Variants in GAPVD1 observed in about 807,000 individuals in gnomAD.
GAPVD1 encodes the protein GTPase activating protein and VPS9 domains 1, also known as GTPase-activating protein and VPS9 domain-containing protein 1.
A neutral mutation model predicts 155.5 loss-of-function variants in GAPVD1; 35 were observed. That is an observed-to-expected ratio of 0.23 (90% confidence interval 0.17 to 0.30). The LOEUF is 0.30. GAPVD1 is among the 10% of genes least tolerant of loss of function. The pLI is 1.00. For synonymous variants in GAPVD1, 636 were observed against 619.7 expected (o/e 1.03, Z -0.39); for missense variants, 1,429 against 1,775.7 (o/e 0.80, Z 3.51).
rs1382636277 is a variant in GAPVD1 at position 125,284,210 on chromosome 9, G to T, written c.-149-11248G>T. Among the ~76,000 whole-genome samples, 7 of 125,346 alleles carry T rather than the reference G, an allele frequency of 5.6e-5. No individual in the cohort carries two copies. In the East Asian group the frequency reaches 1.7e-3, roughly 31 times the overall value. The allele number at this position is 125,346 out of a possible 152,430, so 82.2% of individuals were successfully genotyped here. ...TTTTTTTTTTTTTTTTTGAGATGGAGACTCACTCTTGACACCCAGGCCGAA... is the reference window on the plus strand; with the variant it reads ...TTTTTTTTTTTTTTTTTGAGATGGATACTCACTCTTGACACCCAGGCCGAA... On this transcript the variant is annotated intron_variant, in intron 2 of 27. Transcript: ENST00000297933.
Position 125,337,254 on chromosome 9 carries a change from A to G in GAPVD1, c.2540A>G (p.Tyr847Cys). Residue 847 changes from tyrosine (Y) to cysteine (C), a missense_variant, in exon 17 of 28, where the codon TAT (tyrosine) becomes TGT (cysteine). Transcript: ENST00000297933. ...GCTGTGGTAAGGCCAAAGGTTCACT[A>G]TGCTAGGCCATCGCATCCACCACCA... ...ASAVVRPKVH[Y>C]ARPSHPPPDP... The G allele has an allele frequency of 3.7e-6, 6 of 1,614,182 alleles. No homozygotes were observed. Among genetic ancestry groups the G allele is most frequent in the Non-Finnish European group, 5.1e-6 (6 of 1,180,020 alleles).
chr9:125,269,699 A>G (rs1366424241), intron 2 of GAPVD1, among the ~76,000 whole-genome samples: 4 of 128,616 alleles, frequency 3.1e-5, no homozygotes, highest in Non-Finnish European at 4.7e-5. Context: ...GGCATGAGCT[A>G]CCATGCCTGG....
intron 2 of GAPVD1, among the ~76,000 whole-genome samples, chr9:125,289,927 T>G (rs540599819): frequency 6.6e-6 from 1 of 152,066 alleles, no homozygotes; most frequent in African/African-American, 2.4e-5. Context: ...ACAAAGGAGA[T>G]AGACTGAGTG....
intron 9 of GAPVD1, among the ~76,000 whole-genome samples, chr9:125,313,651 G>A (rs908888560): frequency 2.0e-5 from 3 of 151,972 alleles, no homozygotes; most frequent in African/African-American, 7.2e-5. Context: ...TGCACAGCTG[G>A]AGTGCAATGG....
intron 6 of GAPVD1, among the ~76,000 whole-genome samples, chr9:125,306,974 AC>A (rs1456543693): frequency 6.6e-6 from 1 of 152,116 alleles, no homozygotes; most frequent in Non-Finnish European, 1.5e-5. Context: ...TACAAAAAAT[AC>A]AAAAATTAGG....
chr9:125,306,248 C>T (rs1008398789), intron 6 of GAPVD1, among the ~76,000 whole-genome samples: 1 of 151,968 alleles, frequency 6.6e-6, no homozygotes, highest in Non-Finnish European at 1.5e-5. Context: ...ACTGTTAACT[C>T]TGCCTCCCAG....
chr9:125,338,696 C>T (rs1847380074), intron 17 of GAPVD1, among the ~76,000 whole-genome samples: 1 of 152,124 alleles, frequency 6.6e-6, no homozygotes, highest in Admixed American at 6.5e-5. Flanking sequence ...TGCACTTTGT[C>T]AGGTAGCACA....
intron 6 of GAPVD1, among the ~76,000 whole-genome samples, chr9:125,306,180 T>C (rs1289041144): frequency 6.6e-6 from 1 of 152,016 alleles, no homozygotes; most frequent in Non-Finnish European, 1.5e-5. Context: ...GTTTCCTTCT[T>C]GTCACAGAGG....
intron 18 of GAPVD1, 73 bp downstream of exon 18, chr9:125,341,337 A>C (rs1847824789): frequency 7.9e-6 from 6 of 761,496 alleles, no homozygotes; most frequent in Non-Finnish European, 1.3e-5. Flanking sequence ...TCAGAGAGCC[A>C]ATGTCTCAAC....
intron 12 of GAPVD1, among the ~76,000 whole-genome samples, chr9:125,327,021 T>G (rs920889938): frequency 6.6e-6 from 1 of 152,152 alleles, no homozygotes; most frequent in African/African-American, 2.4e-5. Flanking sequence ...ATGATACTGC[T>G]GTTCTCTAAA....
Position 125,302,394 on chromosome 9 carries a change from T to G in GAPVD1, c.597T>G (p.Thr199=), listed in dbSNP as rs10986694. ...LFSAKLFLTA[T]LHEPIMQLLV... Reference sequence around the variant, plus strand: ...CTGCCAAACTTTTCCTCACAGCCACTTTACATGAGCCAATTATGCAACTGC... The same window carrying G: ...CTGCCAAACTTTTCCTCACAGCCACGTTACATGAGCCAATTATGCAACTGC... The change falls in exon 5 of 28, where the codon ACT becomes ACG. Residue 199 remains threonine (T), a synonymous_variant. Transcript: ENST00000297933. The G allele has an allele frequency of 8.6e-3, 13,838 of 1,614,062 alleles. 686 individuals carry two copies. In the Admixed American group the frequency reaches 0.11, roughly 13 times the overall value.
At chr9:125,326,172 C>A (rs995315575) in intron 11 of GAPVD1, among the ~76,000 whole-genome samples, 1 of 152,174 alleles carries the variant, frequency 6.6e-6, no homozygotes, top group Non-Finnish European at 1.5e-5. Flanking sequence ...TAGCAAACTT[C>A]CTGGGAGATT....
intron 18 of GAPVD1, chr9:125,341,977 T>G (rs1847900387): frequency 2.8e-6 from 1 of 361,346 alleles, no homozygotes; most frequent in Admixed American, 4.4e-5. Flanking sequence ...GTGGTTTTGA[T>G]TTTAGTCCCA....
intron 1 of GAPVD1, among the ~76,000 whole-genome samples, chr9:125,267,803 C>A (rs1003097466): frequency 5.3e-5 from 8 of 152,288 alleles, no homozygotes; most frequent in South Asian, 2.1e-4. Context: ...AATCCTCCCA[C>A]CTTGACCTCC....
intron 1 of GAPVD1, chr9:125,263,686 GCACTCCATCTGTAGGTATGTCTGTC>G (rs1205123240): frequency 5.5e-4 from 117 of 213,724 alleles, no homozygotes; most frequent in Non-Finnish European, 8.4e-4. Context: ...AAGTGGCACA[GCACTCCATCTGTAGGTATGTCTGTC>G]AGCACTCCAT....
At chr9:125,351,883 G>T (rs1177063315) in intron 23 of GAPVD1, among the ~76,000 whole-genome samples, 3 of 152,136 alleles carry the variant, frequency 2.0e-5, no homozygotes, top group Non-Finnish European at 4.4e-5. Flanking sequence ...TGGGATTACA[G>T]GCATGCGCCA....
At chr9:125,266,792 G>A (rs1213402697) in intron 1 of GAPVD1, among the ~76,000 whole-genome samples, 4 of 151,818 alleles carry the variant, frequency 2.6e-5, no homozygotes, top group Non-Finnish European at 5.9e-5. Context: ...ACAGAGTCTT[G>A]CTCTGTGGTC....
chr9:125,306,849 A>C (rs1481633614), intron 6 of GAPVD1, among the ~76,000 whole-genome samples: 2 of 152,230 alleles, frequency 1.3e-5, no homozygotes, highest in African/African-American at 4.8e-5. Flanking sequence ...GGTTGGGTGC[A>C]GTGGCTCATG....
At chr9:125,351,337 C>T (rs1242564939) in intron 23 of GAPVD1, among the ~76,000 whole-genome samples, 1 of 152,184 alleles carries the variant, frequency 6.6e-6, no homozygotes, top group Non-Finnish European at 1.5e-5. Flanking sequence ...GGGACACAGC[C>T]AAACCATATC....
Sources: gnomAD v4.1 joint callset for allele counts (sites outside exome capture counted in the v4.1 genomes callset) on GRCh38, gnomAD v4.1.1 for gene constraint, MANE v1.5 for transcripts, NCBI Gene and HGNC (gene_info 2026-07-23, HGNC 2026-07-21) for gene names.